TMEM120B: variants seen among roughly 807,000 people sequenced by gnomAD.
TMEM120B encodes the protein transmembrane protein 120B.
A neutral mutation model predicts 55.5 loss-of-function variants in TMEM120B; 31 were observed. That is an observed-to-expected ratio of 0.56 (90% CI 0.42 to 0.75). TMEM120B has a LOEUF of 0.75. Among genes scored for constraint, TMEM120B ranks in the 30% least tolerant of loss-of-function variants. TMEM120B has a pLI of 0.00. For synonymous variants in TMEM120B, 203 were observed against 176.3 expected, an observed-to-expected ratio of 1.15 and a Z score of -1.20; for missense variants, 399 against 425.5, an observed-to-expected ratio of 0.94 and a Z score of 0.55.
At chr12:121,766,274 G>A (rs1386103315) in intron 6 of TMEM120B, among the ~76,000 whole-genome samples, 1 of 151,962 alleles carries the variant, frequency 6.6e-6, no homozygotes, top group Non-Finnish European at 1.5e-5. Flanking sequence ...CAAGTGAGAT[G>A]CCACTCATCA....
chr12:121,767,322 G>A (rs1414109690), intron 6 of TMEM120B, among the ~76,000 whole-genome samples: 3 of 152,208 alleles, frequency 2.0e-5, no homozygotes, highest in Admixed American at 6.5e-5. Context: ...CACCACGCCC[G>A]GCTAATTTTT....
intron 1 of TMEM120B, among the ~76,000 whole-genome samples, chr12:121,739,070 C>T (rs1211425038): frequency 2.0e-5 from 3 of 152,030 alleles, no homozygotes; most frequent in African/African-American, 7.2e-5. Context: ...ACCTATAATC[C>T]CAGCTACTTG....
At chr12:121,718,485 G>T (rs547721624) in intron 1 of TMEM120B, among the ~76,000 whole-genome samples, 9 of 152,292 alleles carry the variant, frequency 5.9e-5, no homozygotes, top group Non-Finnish European at 1.2e-4. Context: ...CAGCCTGGGT[G>T]ACAGAGTGAG....
chr12:121,716,656 G>A (rs1020382135), intron 1 of TMEM120B, among the ~76,000 whole-genome samples: 6 of 144,000 alleles, frequency 4.2e-5, no homozygotes, highest in Admixed American at 3.7e-4. Context: ...TTTGCCTCCC[G>A]GGTTAAAGCT....
intron 6 of TMEM120B, among the ~76,000 whole-genome samples, chr12:121,769,715 C>CTGTGTGT (rs1555332862): frequency 3.8e-4 from 56 of 148,318 alleles, no homozygotes; most frequent in African/African-American, 1.3e-3. Flanking sequence ...AAAGAGAAAA[C>CTGTGTGT]GTGTGTGTGT....
chr12:121,741,710 G>A lies in TMEM120B; in HGVS notation c.70-1919G>A, dbSNP rs577472729. Among the ~76,000 whole-genome samples, 28 of 151,996 alleles carry A rather than the reference G, an allele frequency of 1.8e-4. No homozygotes were observed. The South Asian group carries it at 4.6e-3, about 25-fold the overall frequency. ...TGCAGTGGCATAATCTCAGCTCACCGCAACCTCCACCTCCTGGGTTCAAGC... is the reference window on the plus strand; with the variant it reads ...TGCAGTGGCATAATCTCAGCTCACCACAACCTCCACCTCCTGGGTTCAAGC... On this transcript the variant is annotated intron_variant, in intron 1 of 11. Transcript: ENST00000449592.
At chr12:121,724,457 T>C (rs1347725507) in intron 1 of TMEM120B, among the ~76,000 whole-genome samples, 1 of 151,932 alleles carries the variant, frequency 6.6e-6, no homozygotes, top group African/African-American at 2.4e-5. Flanking sequence ...GGATTACAGC[T>C]GTGAGCCACT....
chr12:121,716,723 C>T (rs2942375), intron 1 of TMEM120B, among the ~76,000 whole-genome samples: 61,965 of 151,552 alleles, frequency 0.41, 13,212 homozygotes, highest in African/African-American at 0.54. Flanking sequence ...CCACCGTGCC[C>T]GGCTAATTTT....
chr12:121,772,295 A>C lies in TMEM120B; in HGVS notation c.679+746A>C, dbSNP rs1001801224. ...AGGTGCGCACCACCACGCCCAGCTA[A>C]TTTTTTTTATTTTTAATAAAGATGA... is the stretch of plus-strand genomic sequence containing the variant. On this transcript the variant is annotated intron_variant, in intron 8 of 11. Coordinates refer to ENST00000449592, the MANE Select transcript of TMEM120B (RefSeq NM_001080825.2). Among the ~76,000 whole-genome samples the C allele has an allele frequency of 6.6e-5, 10 of 151,124 alleles. No homozygotes were observed. In the East Asian group the frequency reaches 1.8e-3, roughly 27 times the overall value.
At position 121,777,027 on chromosome 12, in the gene TMEM120B, C is replaced by T. The variant is rs1874270792; in HGVS notation, c.*1305C>T. The T allele has an allele frequency of 6.6e-6, 1 of 151,304 alleles. No homozygotes were observed. Among genetic ancestry groups the T allele is most frequent in the African/African-American group, 2.4e-5 (1 of 41,068 alleles). 9.4% of individuals were successfully genotyped at this position (151,304 alleles called of 1,614,324 possible). ...CTGGAGTGCAGTGACACAATCTCAG[C>T]TCACTGCAACCTCTGCCTCCCAGGT... On this transcript the variant is annotated 3_prime_UTR_variant, in exon 12 of 12. Transcript: ENST00000449592.
chr12:121,762,854 G>A (rs539468661), intron 6 of TMEM120B, among the ~76,000 whole-genome samples: 35 of 152,302 alleles, frequency 2.3e-4, no homozygotes, highest in African/African-American at 8.2e-4. Flanking sequence ...CAGTCACTGA[G>A]CAGCCCTGTG....
chr12:121,726,048 AC>A (rs1894883917), intron 1 of TMEM120B, among the ~76,000 whole-genome samples: 1 of 147,394 alleles, frequency 6.8e-6, no homozygotes, highest in Non-Finnish European at 1.5e-5. Context: ...AAAAAAAAAA[AC>A]AAAAAAAAAA....
chr12:121,722,007 T>C (rs1033914393), intron 1 of TMEM120B, among the ~76,000 whole-genome samples: 3 of 151,320 alleles, frequency 2.0e-5, no homozygotes, highest in Non-Finnish European at 4.4e-5. Context: ...TTCACCATGT[T>C]GGCCAGGATG....
rs538865672 is a variant in TMEM120B at position 121,780,304 on chromosome 12, C to T, written c.*4582C>T. On this transcript the variant is annotated 3_prime_UTR_variant, in exon 12 of 12. Transcript: ENST00000449592. ...AACTCCCAACCTCAGGTGATTCGCCCGCCTCGGCCTCCCAAAGTGCTGGGA... is the reference window on the plus strand; with the variant it reads ...AACTCCCAACCTCAGGTGATTCGCCTGCCTCGGCCTCCCAAAGTGCTGGGA... The T allele has an allele frequency of 5.7e-4, 91 of 158,520 alleles. No homozygotes were observed. Among genetic ancestry groups the T allele is most frequent in the Middle Eastern group, 1.0e-3 (2 of 1,926 alleles). 9.8% of individuals were successfully genotyped at this position (158,520 alleles called of 1,614,324 possible). A position where few individuals can be genotyped will look rare whatever the true frequency, so the allele number is the denominator to read the frequency against.
At position 121,780,958 on chromosome 12, in the gene TMEM120B, T is replaced by G. The variant is rs565327185; in HGVS notation, c.*5236T>G. 1 of 1,614,004 alleles carries G rather than the reference T, an allele frequency of 6.2e-7. No homozygotes were observed. Among genetic ancestry groups the G allele is most frequent in the Non-Finnish European group, 8.5e-7 (1 of 1,179,990 alleles). On this transcript the variant is annotated 3_prime_UTR_variant, in exon 12 of 12. Transcript: ENST00000449592. Reference sequence around the variant, plus strand: ...TTCCTCAGGTCTGTCTTGCAGCCGATGAGCACCATGGGGATCCCGCGGCAG... The same window carrying G: ...TTCCTCAGGTCTGTCTTGCAGCCGAGGAGCACCATGGGGATCCCGCGGCAG...
At chr12:121,768,796 C>T (rs1427872578) in intron 6 of TMEM120B, among the ~76,000 whole-genome samples, 2 of 152,072 alleles carry the variant, frequency 1.3e-5, no homozygotes, top group South Asian at 2.1e-4. Context: ...TCCTAGGCTG[C>T]CCCTGATGCT....
At position 121,776,831 on chromosome 12, in the gene TMEM120B, C is replaced by T. The variant is rs1172785937; in HGVS notation, c.*1109C>T. ...TTTTTTTTTGAGACAGGGTCTGTTG[C>T]CTAGGCGGGAGTGCAGTGGCATCAT... On this transcript the variant is annotated 3_prime_UTR_variant, in exon 12 of 12. Coordinates refer to ENST00000449592, the MANE Select transcript of TMEM120B (RefSeq NM_001080825.2). The T allele has an allele frequency of 6.6e-6, 1 of 151,826 alleles. No homozygotes were observed. The highest frequency in any genetic ancestry group is 1.5e-5 in the Non-Finnish European group (1 of 68,014). The allele number at this position is 151,826 out of a possible 1,614,324, so 9.4% of individuals were successfully genotyped here. A position where few individuals can be genotyped will look rare whatever the true frequency, so the allele number is the denominator to read the frequency against.
At chr12:121,767,438 G>A (rs1873886180) in intron 6 of TMEM120B, among the ~76,000 whole-genome samples, 1 of 152,242 alleles carries the variant, frequency 6.6e-6, no homozygotes, top group African/African-American at 2.4e-5. Flanking sequence ...GGGATTACAG[G>A]CGTGAGCCAC....
In TMEM120B at chr12:121,750,397, T is replaced by G. The variant is rs754615113; in HGVS notation, c.323T>G (p.Val108Gly). ...CCTTCCAGGCTCTACTTGAACCTGG[T>G]CCTCGGCAATGTGAACGTGACCCTC... ...PKKNGLYLNL[V>G]LGNVNVTLLS... The change falls in exon 4 of 12, where the codon GTC becomes GGC. Residue 108 changes from valine (V) to glycine (G), a missense_variant. Around this residue, in one of 3 missense-constraint regions of TMEM120B, gnomAD observed 260 missense variants for 303.9 expected, o/e 0.86. Transcript: ENST00000449592. The G allele has an allele frequency of 1.2e-6, 2 of 1,612,420 alleles. No homozygotes were observed. Among genetic ancestry groups the G allele is most frequent in the Admixed American group, 1.7e-5 (1 of 59,874 alleles).
Sources: gnomAD v4.1 joint callset for allele counts (sites outside exome capture counted in the v4.1 genomes callset) on GRCh38, gnomAD v4.1.1 for gene constraint, gnomAD v4.1.1 regional missense constraint, MANE v1.5 for transcripts, NCBI Gene and HGNC (gene_info 2026-07-23, HGNC 2026-07-21) for gene names.